Variants in DLG2 observed in about 807,000 individuals in gnomAD.
DLG2 encodes discs large MAGUK scaffold protein 2.
In DLG2, 45 loss-of-function variants were observed where a neutral mutation model predicts 132.5. The ratio of observed to expected loss-of-function variants is 0.34; its 90% CI spans 0.27 to 0.44. The LOEUF is 0.44. DLG2 is among the 20% of genes least tolerant of loss of function. The probability of loss-of-function intolerance (pLI) is 1.00; values close to 1 mark genes in which losing one functional copy is unlikely to be tolerated. For synonymous variants in DLG2, 424 were observed against 419.6 expected (o/e 1.01, Z -0.13); for missense variants, 1,045 against 1,196.9 (o/e 0.87, Z 1.87).
intron 6 of DLG2, among the ~76,000 whole-genome samples, chr11:84,696,989 AG>A (rs2058685653): frequency 6.6e-6 from 1 of 151,444 alleles, no homozygotes; most frequent in Non-Finnish European, 1.5e-5. Context: ...TTGACTCAGG[AG>A]AACTAGGTAC....
At chr11:84,401,272 C>T (rs924055754) in intron 7 of DLG2, among the ~76,000 whole-genome samples, 2 of 152,194 alleles carry the variant, frequency 1.3e-5, no homozygotes, top group Non-Finnish European at 2.9e-5. Context: ...GACTCTCTTA[C>T]CACATGCCCT....
intron 7 of DLG2, among the ~76,000 whole-genome samples, chr11:84,342,341 T>C (rs897474779): frequency 3.3e-5 from 5 of 151,968 alleles, no homozygotes; most frequent in African/African-American, 1.2e-4. Context: ...ACAGCAGGAG[T>C]GTAATCTAGG....
chr11:84,317,202 C>G (rs987601276), intron 7 of DLG2: 12 of 1,541,128 alleles, frequency 7.8e-6, no homozygotes, highest in Non-Finnish European at 1.0e-5. Context: ...TGTCTCCTCC[C>G]TCACACCCCT....
intron 3 of DLG2, among the ~76,000 whole-genome samples, chr11:85,522,441 G>T (rs1157707100): frequency 6.6e-6 from 1 of 152,168 alleles, no homozygotes; most frequent in African/African-American, 2.4e-5. Context: ...CCCCCATACA[G>T]AATCCCCCCT....
At chr11:85,010,842 C>G (rs1233646067) in intron 6 of DLG2, among the ~76,000 whole-genome samples, 1 of 152,146 alleles carries the variant, frequency 6.6e-6, no homozygotes, top group Non-Finnish European at 1.5e-5. Flanking sequence ...AAACCATCCA[C>G]TCACCTTTTA....
intron 7 of DLG2, among the ~76,000 whole-genome samples, chr11:84,482,597 T>C (rs1376133571): frequency 6.6e-6 from 1 of 152,222 alleles, no homozygotes; most frequent in Non-Finnish European, 1.5e-5. Flanking sequence ...AATGAGAAAG[T>C]ACTTTGTAAA....
At chr11:83,893,947 T>C (rs2070766255) in intron 15 of DLG2, among the ~76,000 whole-genome samples, 2 of 152,234 alleles carry the variant, frequency 1.3e-5, no homozygotes, top group South Asian at 4.1e-4. Context: ...TCATGTCACA[T>C]TTTATACTAA....
At chr11:85,054,131 G>A (rs558712426) in intron 6 of DLG2, among the ~76,000 whole-genome samples, 3 of 151,834 alleles carry the variant, frequency 2.0e-5, no homozygotes, top group Admixed American at 6.6e-5. Context: ...TGGGTGTGCT[G>A]GTGCATGCCT....
At chr11:84,969,656 T>A (rs2053800752) in intron 6 of DLG2, among the ~76,000 whole-genome samples, 1 of 152,202 alleles carries the variant, frequency 6.6e-6, no homozygotes, top group Admixed American at 6.5e-5. Context: ...GGAATATATC[T>A]TATGTCATGC....
At chr11:83,791,457 G>C in intron 17 of DLG2, 1 of 710,418 alleles carries the variant, frequency 1.4e-6, no homozygotes, top group Non-Finnish European at 2.6e-6. Flanking sequence ...TACCAAATTA[G>C]GAATTATCTT....
At chr11:85,347,569 A>C (rs2082936636) in intron 3 of DLG2, among the ~76,000 whole-genome samples, 1 of 152,038 alleles carries the variant, frequency 6.6e-6, no homozygotes, top group Non-Finnish European at 1.5e-5. Context: ...TCTGTCCCCT[A>C]TATAAAAGGG....
chr11:83,546,603 A>G (rs763229264), intron 19 of DLG2, among the ~76,000 whole-genome samples: 9 of 152,162 alleles, frequency 5.9e-5, no homozygotes, highest in Admixed American at 1.3e-4. Context: ...AATGAGATAT[A>G]AAGAGCTGAA....
intron 7 of DLG2, among the ~76,000 whole-genome samples, chr11:84,381,648 C>G (rs1173234953): frequency 6.6e-6 from 1 of 152,134 alleles, no homozygotes; most frequent in African/African-American, 2.4e-5. Flanking sequence ...AACTGAATGA[C>G]AGCTGATAGA....
At chr11:85,580,918 T>G (rs2078471565) in intron 3 of DLG2, among the ~76,000 whole-genome samples, 4 of 152,228 alleles carry the variant, frequency 2.6e-5, no homozygotes, top group African/African-American at 9.6e-5. Context: ...TTACAGATTA[T>G]GTTTCTTCCA....
chr11:84,316,590 G>C (rs1400738051), intron 7 of DLG2, among the ~76,000 whole-genome samples: 1 of 152,156 alleles, frequency 6.6e-6, no homozygotes, highest in African/African-American at 2.4e-5. Flanking sequence ...GAGGACTAGA[G>C]AAGTTGAAGA....
intron 18 of DLG2, among the ~76,000 whole-genome samples, chr11:83,709,270 T>G (rs11233724): frequency 0.04 from 5,889 of 148,574 alleles, 167 homozygotes; most frequent in Middle Eastern, 0.093. Context: ...TATATATGTA[T>G]GTATATATAC....
At chr11:83,706,796 C>T (rs1022572808) in intron 18 of DLG2, among the ~76,000 whole-genome samples, 2 of 152,150 alleles carry the variant, frequency 1.3e-5, no homozygotes, top group African/African-American at 2.4e-5. Context: ...CAGAGAGAGG[C>T]GTGGCAGCTA....
chr11:84,747,476 T>C (rs2065526658), intron 6 of DLG2, among the ~76,000 whole-genome samples: 1 of 152,222 alleles, frequency 6.6e-6, no homozygotes, highest in Admixed American at 6.5e-5. Context: ...GTTTGAATTC[T>C]AGTTTTGTAA....
intron 6 of DLG2, among the ~76,000 whole-genome samples, chr11:85,097,568 A>C (rs1450201083): frequency 1.3e-5 from 2 of 152,232 alleles, no homozygotes; most frequent in Non-Finnish European, 1.5e-5. Context: ...TTGCAATGAA[A>C]AACTAGCTAT....
Sources: allele counts gnomAD v4.1 joint callset (sites outside exome capture counted in the v4.1 genomes callset), GRCh38; gene constraint gnomAD v4.1.1; transcripts MANE v1.5; gene names NCBI Gene and HGNC (gene_info 2026-07-23, HGNC 2026-07-21).